ADAMTSL1: variants seen among roughly 807,000 people sequenced by gnomAD.
ADAMTSL1 encodes ADAMTS like 1.
Under a neutral mutation model 201.8 loss-of-function variants are expected in ADAMTSL1, and 126 were observed. The observed-to-expected ratio is 0.62, with a 90% CI of 0.54 to 0.72. ADAMTSL1 has a LOEUF of 0.72. Ranked by LOEUF, ADAMTSL1 falls within the 30% of genes least tolerant of loss-of-function variation. The pLI, the probability that ADAMTSL1 is intolerant of heterozygous loss-of-function variation, is 0.00. For synonymous variants in ADAMTSL1, 1,121 were observed against 903.4 expected (o/e 1.24, Z -4.32); for missense variants, 2,679 against 2,277.8 (o/e 1.18, Z -3.59).
chr9:18,479,691 G>A (rs1306227205), intron 1 of ADAMTSL1, among the ~76,000 whole-genome samples: 2 of 152,200 alleles, frequency 1.3e-5, no homozygotes, highest in Non-Finnish European at 2.9e-5. Flanking sequence ...AGCTGTGGGG[G>A]ACAGCAGAAG....
intron 2 of ADAMTSL1, among the ~76,000 whole-genome samples, chr9:18,237,868 G>T (rs953009697): frequency 1.3e-5 from 2 of 152,170 alleles, no homozygotes; most frequent in Non-Finnish European, 2.9e-5. Flanking sequence ...AAAATTAAAT[G>T]CAATTGTTTC....
chr9:18,880,788 G>A (rs1583347), intron 23 of ADAMTSL1, among the ~76,000 whole-genome samples: 77,119 of 151,984 alleles, frequency 0.51, 20,176 homozygotes, highest in African/African-American at 0.61. Flanking sequence ...TTGAAGCCAG[G>A]TATTGACTTC....
intron 1 of ADAMTSL1, among the ~76,000 whole-genome samples, chr9:18,094,224 T>C (rs1329626224): frequency 6.6e-6 from 1 of 152,216 alleles, no homozygotes; most frequent in East Asian, 1.9e-4. Context: ...TTATCTCCAT[T>C]TTACAGATGA....
intron 1 of ADAMTSL1, among the ~76,000 whole-genome samples, chr9:17,976,146 A>G (rs956582129): frequency 1.3e-5 from 2 of 152,074 alleles, no homozygotes; most frequent in African/African-American, 4.8e-5. Context: ...ATAATTTGAA[A>G]TCAGGAAGTG....
At chr9:17,970,666 C>T (rs1334953013) in intron 1 of ADAMTSL1, among the ~76,000 whole-genome samples, 1 of 152,146 alleles carries the variant, frequency 6.6e-6, no homozygotes, top group East Asian at 1.9e-4. Flanking sequence ...TAAGTCTGAG[C>T]TCATGCATCA....
At chr9:18,355,071 C>T (rs1383127956) in intron 2 of ADAMTSL1, among the ~76,000 whole-genome samples, 9 of 152,122 alleles carry the variant, frequency 5.9e-5, no homozygotes, top group Admixed American at 5.9e-4. Flanking sequence ...CAGGGAGCCC[C>T]AGCAAGAGCA....
chr9:18,804,231 G>C (rs1158166182), intron 20 of ADAMTSL1, among the ~76,000 whole-genome samples: 1 of 152,150 alleles, frequency 6.6e-6, no homozygotes, highest in Non-Finnish European at 1.5e-5. Flanking sequence ...TTGTATTTTG[G>C]GGAATGGAAG....
intron 2 of ADAMTSL1, among the ~76,000 whole-genome samples, chr9:18,310,388 A>AC (rs1554657145): frequency 7.2e-6 from 1 of 139,860 alleles, no homozygotes; most frequent in African/African-American, 2.6e-5. Flanking sequence ...AAAAAAAAAA[A>AC]AAAAAAAAAA....
At chr9:17,952,255 C>T (rs1181175976) in intron 1 of ADAMTSL1, among the ~76,000 whole-genome samples, 1 of 151,574 alleles carries the variant, frequency 6.6e-6, no homozygotes, top group African/African-American at 2.4e-5. Flanking sequence ...CTTCCAGCCT[C>T]ATTTTTTTTC....
At chr9:18,792,409 A>G (rs1289407397) in intron 19 of ADAMTSL1, among the ~76,000 whole-genome samples, 1 of 152,220 alleles carries the variant, frequency 6.6e-6, no homozygotes, top group Non-Finnish European at 1.5e-5. Context: ...GTAGGACCAA[A>G]ACAAAGTTCA....
intron 2 of ADAMTSL1, among the ~76,000 whole-genome samples, chr9:18,427,618 C>G (rs1819284706): frequency 6.6e-6 from 1 of 152,212 alleles, no homozygotes; most frequent in Admixed American, 6.5e-5. Flanking sequence ...AGTTAACTGG[C>G]TTTGCCCACA....
chr9:18,198,911 A>C (rs1829307306), intron 2 of ADAMTSL1, among the ~76,000 whole-genome samples: 1 of 141,746 alleles, frequency 7.1e-6, no homozygotes, highest in African/African-American at 2.6e-5. Flanking sequence ...CATATACACC[A>C]TGGAATACTA....
intron 1 of ADAMTSL1, among the ~76,000 whole-genome samples, chr9:18,028,712 T>C (rs1820805313): frequency 6.6e-6 from 1 of 152,190 alleles, no homozygotes; most frequent in Non-Finnish European, 1.5e-5. Context: ...TCCACTTTGT[T>C]CTTTTGGCTT....
At chr9:18,902,250 A>C (rs1228984331) in intron 26 of ADAMTSL1, among the ~76,000 whole-genome samples, 1 of 152,230 alleles carries the variant, frequency 6.6e-6, no homozygotes, top group Non-Finnish European at 1.5e-5. Context: ...CAATACTATA[A>C]ACCAATTGGA....
intron 21 of ADAMTSL1, among the ~76,000 whole-genome samples, chr9:18,821,995 G>A (rs1024830217): frequency 6.6e-6 from 1 of 152,190 alleles, no homozygotes; most frequent in African/African-American, 2.4e-5. Context: ...GTATGACTAA[G>A]CTCTTTTACT....
At chr9:18,395,840 G>T (rs72686887) in intron 2 of ADAMTSL1, among the ~76,000 whole-genome samples, 17,941 of 152,188 alleles carry the variant, frequency 0.12, 1,341 homozygotes, top group South Asian at 0.23. Flanking sequence ...CATCCTAGAG[G>T]CTGAACTAAA....
At chr9:18,444,483 G>A (rs1820113762) in intron 2 of ADAMTSL1, among the ~76,000 whole-genome samples, 1 of 152,058 alleles carries the variant, frequency 6.6e-6, no homozygotes. Context: ...AGAAAAATGG[G>A]TATTACGTAT....
chr9:18,226,289 TC>T (rs1448174316), intron 2 of ADAMTSL1, among the ~76,000 whole-genome samples: 1 of 152,166 alleles, frequency 6.6e-6, no homozygotes, highest in Non-Finnish European at 1.5e-5. Flanking sequence ...ACCGTCTCTC[TC>T]AGATCCTCTC....
chr9:18,541,403 G>T (rs1302731220), intron 3 of ADAMTSL1, among the ~76,000 whole-genome samples: 1 of 151,942 alleles, frequency 6.6e-6, no homozygotes, highest in Non-Finnish European at 1.5e-5. Flanking sequence ...CCAGCTACTC[G>T]GGAGGCTGAA....
Sources: gnomAD v4.1 joint callset for allele counts (sites outside exome capture counted in the v4.1 genomes callset) on GRCh38, gnomAD v4.1.1 for gene constraint, MANE v1.5 for transcripts, NCBI Gene and HGNC (gene_info 2026-07-23, HGNC 2026-07-21) for gene names.